Variants in CFI observed in about 807,000 individuals in gnomAD.
CFI encodes the protein C3B/C4B inactivator.
CFI carries 66 observed loss-of-function variants against 78.8 expected under a neutral mutation model. The observed-to-expected ratio is 0.84, with a 90% confidence interval of 0.69 to 1.03. CFI has a LOEUF of 1.03. CFI is among the 50% of genes least tolerant of loss of function. CFI has a pLI of 0.00. For missense variants in CFI, 706 were observed against 704.5 expected (o/e 1.00, Z -0.02); for synonymous variants, 250 against 232.6 (o/e 1.07, Z -0.68).
At position 109,742,523 on chromosome 4, in the gene CFI, T is replaced by C; in HGVS notation, c.1502A>G (p.Asn501Ser). The C allele has an allele frequency of 6.2e-7, 1 of 1,613,650 alleles. No individual in the cohort carries two copies. The highest frequency in any genetic ancestry group is 8.5e-7 in the Non-Finnish European group (1 of 1,179,576). The change falls in exon 12 of 13, where the codon AAT becomes AGT. Residue 501 changes from asparagine to serine, a missense_variant. Coordinates refer to ENST00000394634, the MANE Select transcript of CFI (RefSeq NM_000204.5). ...LISNCSKFYG[N>S]RFYEKEMECA... ...TTCCATTTCTTTTTCATAGAAACGA[T>C]TTCCGTAAAACTTAGAGCAGTTGCT... is the stretch of plus-strand genomic sequence containing the variant.
At chr4:109,768,676 G>C (rs995845219) in intron 1 of CFI, among the ~76,000 whole-genome samples, 1 of 152,154 alleles carries the variant, frequency 6.6e-6, no homozygotes, top group East Asian at 1.9e-4. Context: ...CTGAGGATGC[G>C]CCTCCTGTCC....
chr4:109,761,702 G>A lies in CFI; in HGVS notation c.483-10C>T. The A allele has an allele frequency of 6.2e-7, 1 of 1,602,234 alleles. No individual in the cohort carries two copies. On this transcript the variant is annotated splice_polypyrimidine_tract_variant and intron_variant, in intron 3 of 12. Transcript: ENST00000394634. ...TTGAGTATCAGCACCTCTGCAAATA[G>A]AATAAAGGAAACATTATGGTAGAAT...
At chr4:109,736,743 A>G (rs1355021593), downstream of CFI, among the ~76,000 whole-genome samples, 1 of 152,210 alleles carries the variant, frequency 6.6e-6, no homozygotes, top group Non-Finnish European at 1.5e-5. Context: ...CAGAGTCCGT[A>G]TGTAGTTCTT....
chr4:109,788,010 C>A (rs993263876), intron 1 of CFI, among the ~76,000 whole-genome samples: 2 of 152,038 alleles, frequency 1.3e-5, no homozygotes, highest in Admixed American at 1.3e-4. Context: ...CACTTAACAG[C>A]TCTTTGTGAG....
At chr4:109,757,620 C>T (rs543332509) in intron 7 of CFI, 143 bp downstream of exon 7, 24 of 585,842 alleles carry the variant, frequency 4.1e-5, no homozygotes, top group African/African-American at 1.5e-4. Flanking sequence ...AAGGCCTCTA[C>T]GCCTAAACTA....
At chr4:109,756,940 A>AGAAAGAAAGAAAGAAAGAAAGAAAGAAG in intron 7 of CFI, among the ~76,000 whole-genome samples, 1 of 150,712 alleles carries the variant, frequency 6.6e-6, no homozygotes, top group African/African-American at 2.4e-5. Flanking sequence ...AAAGAAAGAA[A>AGAAAGAAAGAAAGAAAGAAAGAAAGAAG]GAAAGAAAGA....
intron 1 of CFI, among the ~76,000 whole-genome samples, chr4:109,777,831 C>T (rs1729466377): frequency 6.6e-6 from 1 of 152,164 alleles, no homozygotes; most frequent in African/African-American, 2.4e-5. Context: ...AAGAAACTCA[C>T]TCAAAACCAC....
rs1402227378 is a variant in CFI at position 109,761,566 on chromosome 4, A to C, written c.609T>G (p.Thr203=). 1.9e-6 allele frequency: 3 copies of C among 1,613,992 alleles called. No homozygotes were observed. Among genetic ancestry groups the C allele is most frequent in the Non-Finnish European group, 2.5e-6 (3 of 1,179,980 alleles). Residue 203 remains threonine (T), a synonymous_variant, in exon 4 of 13, where the codon ACT becomes ACG. Transcript: ENST00000394634. ...LAECTFTKRR[T]MGYQDFADVV... ...CATCAGCGAAATCCTGGTAACCCAT[A>C]GTTCTTCTCTTAGTAAAAGTACATT...
chr4:109,787,147 T>A (rs72674890), intron 1 of CFI, among the ~76,000 whole-genome samples: 2 of 151,914 alleles, frequency 1.3e-5, no homozygotes, highest in Admixed American at 1.3e-4. Context: ...TATGTAGTGC[T>A]TTTATTATTA....
At chr4:109,733,794 A>G in the CFI span, among the ~76,000 whole-genome samples, 1 of 152,246 alleles carries the variant, frequency 6.6e-6, no homozygotes, top group East Asian at 1.9e-4. Context: ...TACCATATCC[A>G]AGAAGCTTAT....
intron 1 of CFI, among the ~76,000 whole-genome samples, chr4:109,777,719 C>A: frequency 6.6e-6 from 1 of 152,100 alleles, no homozygotes; most frequent in East Asian, 1.9e-4. Context: ...CAAAACTGAC[C>A]ACATAGTTGG....
At chr4:109,761,732 A>G (rs773198676) in intron 3 of CFI, 40 bp from the exon 4 acceptor site, 3 of 1,516,318 alleles carry the variant, frequency 2.0e-6, no homozygotes, top group South Asian at 1.1e-5. Flanking sequence ...TAGAATAATT[A>G]GTACTTTGCA....
At chr4:109,776,360 G>T (rs1221793105) in intron 1 of CFI, among the ~76,000 whole-genome samples, 3 of 152,184 alleles carry the variant, frequency 2.0e-5, no homozygotes, top group Non-Finnish European at 4.4e-5. Context: ...TCAAGTGGAA[G>T]AAAGGGTATC....
chr4:109,746,535 T>C (rs753770795), intron 10 of CFI, 33 bp from the exon 11 acceptor site: 10 of 1,499,924 alleles, frequency 6.7e-6, no homozygotes, highest in Non-Finnish European at 9.0e-7. Context: ...ATAAAATATA[T>C]TGAGAAAAAA....
chr4:109,740,954 T>C lies in CFI; in HGVS notation c.1691A>G (p.Asn564Ser), dbSNP rs762908552. 2 of 1,614,048 alleles carry C rather than the reference T, an allele frequency of 1.2e-6. No homozygotes were observed. The highest frequency in any genetic ancestry group is 2.7e-5 in the African/African-American group (2 of 74,920). Residue 564 changes from asparagine to serine, a missense_variant, in exon 13 of 13, where the codon AAT becomes AGT. Coordinates refer to ENST00000394634, the MANE Select transcript of CFI (RefSeq NM_000204.5). ...ATGGTAGCTAATCCAGTCAAAATAA[T>C]TGGCCACTTTGGTGTAAACACCTGG... is the stretch of plus-strand genomic sequence containing the variant. Reference protein sequence around the residue: ...EFPGVYTKVANYFDWISYHVG... With the variant: ...EFPGVYTKVASYFDWISYHVG...
At chr4:109,756,909 GAAAGAAAGAAAGAAAGAAA>G in intron 7 of CFI, among the ~76,000 whole-genome samples, 1 of 77,216 alleles carries the variant, frequency 1.3e-5, no homozygotes, top group African/African-American at 4.9e-5. Context: ...AAGAAAGAAA[GAAAGAAAGAAAGAAAGAAA>G]GAAAGAAAGA....
At chr4:109,761,801 A>G in intron 3 of CFI, 109 bp from the exon 4 acceptor site, 1 of 891,536 alleles carries the variant, frequency 1.1e-6, no homozygotes, top group South Asian at 1.4e-5. Flanking sequence ...TTCTCTATAT[A>G]GGAGTTACAG....
chr4:109,779,738 A>G (rs552457523), intron 1 of CFI, among the ~76,000 whole-genome samples: 6 of 152,292 alleles, frequency 3.9e-5, no homozygotes, highest in African/African-American at 7.2e-5. Flanking sequence ...AAACTATACT[A>G]CAAGTCTACA....
chr4:109,746,144 G>T (rs568395725), intron 11 of CFI, 78 bp downstream of exon 11: 1 of 1,506,332 alleles, frequency 6.6e-7, no homozygotes, highest in Non-Finnish European at 9.2e-7. Context: ...TGAGTGCTAG[G>T]AAATTAGCTC....
Sources: allele counts gnomAD v4.1 joint callset (sites outside exome capture counted in the v4.1 genomes callset), GRCh38; gene constraint gnomAD v4.1.1; transcripts MANE v1.5; gene names NCBI Gene and HGNC (gene_info 2026-07-23, HGNC 2026-07-21).